The following LRRC8C variants were observed in gnomAD, a reference collection of about 807,000 sequenced individuals.
LRRC8C encodes the protein leucine rich repeat containing 8 VRAC subunit C.
LRRC8C carries 20 observed loss-of-function variants against 55.3 expected under a neutral mutation model. That is an observed-to-expected ratio of 0.36 (90% CI 0.25 to 0.53). LRRC8C has a LOEUF of 0.53. Ranked by LOEUF, LRRC8C falls within the 20% of genes least tolerant of loss-of-function variation. The pLI, the probability that LRRC8C is intolerant of heterozygous loss-of-function variation, is 0.92. For missense variants in LRRC8C, 659 were observed against 951.4 expected, an observed-to-expected ratio of 0.69 and a Z score of 4.04; for synonymous variants, 376 against 360.7, an observed-to-expected ratio of 1.04 and a Z score of -0.48.
intron 1 of LRRC8C, among the ~76,000 whole-genome samples, chr1:89,684,976 A>G (rs1172633144): frequency 6.6e-6 from 1 of 152,216 alleles, no homozygotes; most frequent in Non-Finnish European, 1.5e-5. Flanking sequence ...CAAAAAGAAG[A>G]CAAATTATTG....
At chr1:89,626,487 G>C in the LRRC8C span, 7 of 152,226 alleles carry the variant, frequency 4.6e-5, no homozygotes, top group East Asian at 1.4e-3. Context: ...AGGTTCCCAT[G>C]TTATATTAGG....
At chr1:89,670,090 C>T (rs1166497287) in intron 1 of LRRC8C, among the ~76,000 whole-genome samples, 1 of 152,034 alleles carries the variant, frequency 6.6e-6, no homozygotes, top group East Asian at 1.9e-4. Context: ...AAACCCTTTC[C>T]CATTCCCCTT....
chr1:89,701,189 C>T (rs973203411), intron 2 of LRRC8C, among the ~76,000 whole-genome samples: 1 of 151,894 alleles, frequency 6.6e-6, no homozygotes, highest in African/African-American at 2.4e-5. Context: ...AGAAAAAGAA[C>T]AATGGGGCCA....
At chr1:89,622,149 T>C in the LRRC8C span, among the ~76,000 whole-genome samples, 1 of 152,132 alleles carries the variant, frequency 6.6e-6, no homozygotes, top group Non-Finnish European at 1.5e-5. Flanking sequence ...AAGGGCGTGA[T>C]AAGAGTGTGG....
At chr1:89,696,241 G>T (rs958503217) in intron 2 of LRRC8C, among the ~76,000 whole-genome samples, 1 of 152,166 alleles carries the variant, frequency 6.6e-6, no homozygotes, top group African/African-American at 2.4e-5. Flanking sequence ...TTAAAGCTAA[G>T]GTTCTGGCCC....
intron 1 of LRRC8C, among the ~76,000 whole-genome samples, chr1:89,642,209 A>C (rs571818827): frequency 8.5e-5 from 13 of 152,296 alleles, no homozygotes; most frequent in African/African-American, 2.9e-4. Context: ...TTTCCTCCTC[A>C]GATTCTTATC....
chr1:89,705,834 TA>T (rs1658466345), intron 2 of LRRC8C, among the ~76,000 whole-genome samples: 2 of 151,906 alleles, frequency 1.3e-5, no homozygotes, highest in Non-Finnish European at 2.9e-5. Flanking sequence ...AGCAAAAAAA[TA>T]AAATACATAG....
At chr1:89,703,329 A>G (rs190184743) in intron 2 of LRRC8C, among the ~76,000 whole-genome samples, 4 of 152,326 alleles carry the variant, frequency 2.6e-5, no homozygotes, top group African/African-American at 7.2e-5. Flanking sequence ...ACAGAATTGT[A>G]TAACTTACCA....
chr1:89,649,662 G>A (rs1339693706), intron 1 of LRRC8C, among the ~76,000 whole-genome samples: 1 of 152,100 alleles, frequency 6.6e-6, no homozygotes, highest in Non-Finnish European at 1.5e-5. Flanking sequence ...TTACCTCCTG[G>A]AGGTAAATAA....
chr1:89,633,399 C>G (rs944166488), intron 1 of LRRC8C, 77 bp downstream of exon 1: 1 of 152,586 alleles, frequency 6.6e-6, no homozygotes, highest in South Asian at 2.1e-4. Context: ...CTGTGCGCGC[C>G]GGACCGGGAC....
chr1:89,673,167 A>AT (rs1157325013), intron 1 of LRRC8C, among the ~76,000 whole-genome samples: 1 of 151,846 alleles, frequency 6.6e-6, no homozygotes, highest in Non-Finnish European at 1.5e-5. Flanking sequence ...TTTCTATGCT[A>AT]TTTTTTATTT....
intron 1 of LRRC8C, among the ~76,000 whole-genome samples, chr1:89,657,130 C>T (rs533277536): frequency 2.0e-4 from 31 of 152,014 alleles, no homozygotes; most frequent in South Asian, 1.9e-3. Flanking sequence ...TTAATGTGAC[C>T]GCTTATGACT....
upstream of LRRC8C, among the ~76,000 whole-genome samples, chr1:89,629,996 T>TA (rs1257268452): frequency 3.9e-5 from 6 of 151,912 alleles, no homozygotes; most frequent in East Asian, 3.9e-4. Flanking sequence ...CCATCTCTAC[T>TA]AAAAAAAATA....
chr1:89,620,547 A>C, the LRRC8C span, among the ~76,000 whole-genome samples: 1 of 148,928 alleles, frequency 6.7e-6, no homozygotes, highest in Non-Finnish European at 1.5e-5. Flanking sequence ...AAATTTGATT[A>C]AAGAACTGCA....
At chr1:89,666,697 A>C (rs1473454348) in intron 1 of LRRC8C, among the ~76,000 whole-genome samples, 1 of 152,186 alleles carries the variant, frequency 6.6e-6, no homozygotes, top group African/African-American at 2.4e-5. Flanking sequence ...TTAGTCACAT[A>C]AACATTTCTG....
rs1317022167 is a variant in LRRC8C, at chr1:89,659,047, G to GGTTTTTTT, written c.-5+25726_-5+25733dup. Among the ~76,000 whole-genome samples the GGTTTTTTT allele has an allele frequency of 8.1e-4, 31 of 38,170 alleles. 2 individuals are homozygous for GGTTTTTTT. The highest frequency in any genetic ancestry group is 2.5e-3 in the African/African-American group (29 of 11,412). 25.0% of individuals were successfully genotyped at this position (38,170 alleles called of 152,430 possible). A position where few individuals can be genotyped will look rare whatever the true frequency, so the allele number is the denominator to read the frequency against. Reference sequence around the variant, plus strand: ...GAAATTTTAGGTTGTGTCTTCTCCAGGTTTTTTTTTTTTTTGTGTGTGTGT... The same window carrying GGTTTTTTT: ...GAAATTTTAGGTTGTGTCTTCTCCAGGTTTTTTTGTTTTTTTTTTTTTTGTGTGTGTGT... On this transcript the variant is annotated intron_variant, in intron 1 of 2. Transcript: ENST00000370454.
At chr1:89,672,529 C>T (rs1657450541) in intron 1 of LRRC8C, among the ~76,000 whole-genome samples, 1 of 152,142 alleles carries the variant, frequency 6.6e-6, no homozygotes, top group African/African-American at 2.4e-5. Flanking sequence ...GAATATAAAG[C>T]TTTCAAAGAC....
In LRRC8C at chr1:89,718,137, A is replaced by G. The variant is rs1658876274; in HGVS notation, c.*3155A>G. On this transcript the variant is annotated 3_prime_UTR_variant, in exon 3 of 3. Transcript: ENST00000370454. Reference sequence around the variant, plus strand: ...TTTTTAATGCAGCTCTTTTAATATAAAGATTCTTGATACAGTGAAATCTCT... The same window carrying G: ...TTTTTAATGCAGCTCTTTTAATATAGAGATTCTTGATACAGTGAAATCTCT... 6.6e-6 allele frequency: 1 copy of G among 152,154 alleles called. No individual in the cohort carries two copies. Among genetic ancestry groups the G allele is most frequent in the African/African-American group, 2.4e-5 (1 of 41,438 alleles). The allele number at this position is 152,154 out of a possible 1,614,324, so 9.4% of individuals were successfully genotyped here.
Position 89,713,546 on chromosome 1 carries a change from T to C in LRRC8C, c.976T>C (p.Phe326Leu), listed in dbSNP as rs1658716343. ...FSKLSFCYLCFVSIYGLTCLY... is the reference protein window; with the variant it reads ...FSKLSFCYLCLVSIYGLTCLY... Reference sequence around the variant, plus strand: ...AAAACTGTCCTTTTGCTATCTGTGCTTTGTTAGTATCTATGGATTGACGTG... The same window carrying C: ...AAAACTGTCCTTTTGCTATCTGTGCCTTGTTAGTATCTATGGATTGACGTG... Residue 326 changes from phenylalanine to leucine, a missense_variant, in exon 3 of 3, where the codon TTT becomes CTT. Phe to Leu is a conservative substitution (Grantham distance 22, BLOSUM62 0). Around this residue, in one of 5 missense-constraint regions of LRRC8C, gnomAD observed 200 missense variants for 360.5 expected, o/e 0.55. Coordinates refer to ENST00000370454, the MANE Select transcript of LRRC8C (RefSeq NM_032270.5). This position sits in a 1 kb window ranked among gnomAD's most constrained non-coding sequence, Gnocchi z 5.2. The C allele has an allele frequency of 6.2e-7, 1 of 1,614,084 alleles. No homozygotes were observed. Among genetic ancestry groups the C allele is most frequent in the Admixed American group, 1.7e-5 (1 of 60,008 alleles).
Sources: gnomAD v4.1 joint callset for allele counts (sites outside exome capture counted in the v4.1 genomes callset) on GRCh38, gnomAD v4.1.1 for gene constraint, gnomAD v4.1.1 regional missense constraint, Gnocchi (gnomAD v3.1) non-coding constraint, MANE v1.5 for transcripts, NCBI Gene and HGNC (gene_info 2026-07-23, HGNC 2026-07-21) for gene names.